The following CHRM3 variants were observed in gnomAD, a reference collection of about 807,000 sequenced individuals.
CHRM3 encodes the protein cholinergic receptor muscarinic 3.
CHRM3 carries 11 observed loss-of-function variants against 41.8 expected under a neutral mutation model. The observed-to-expected ratio is 0.26, with a 90% CI of 0.17 to 0.44. The LOEUF (loss-of-function observed/expected upper bound fraction) is 0.44, where lower values mean the gene tolerates loss of function less well. Among genes scored for constraint, CHRM3 ranks in the 20% least tolerant of loss-of-function variants. The pLI is 1.00. For synonymous variants in CHRM3, 297 were observed against 301.4 expected, an observed-to-expected ratio of 0.99 and a Z score of 0.15; for missense variants, 571 against 745.4, an observed-to-expected ratio of 0.77 and a Z score of 2.72.
In CHRM3 at chr1:239,667,940, A is replaced by C. The variant is rs150448714; in HGVS notation, c.-249-10246A>C. On this transcript the variant is annotated intron_variant, in intron 4 of 6. Coordinates refer to ENST00000676153, the MANE Select transcript of CHRM3 (RefSeq NM_001375978.1). ...TCCTACAACTTAAAAGCAATATGTA[A>C]TAAGTGTTTTGTTTTACATTGCTTT... 6.8e-3 allele frequency among the ~76,000 whole-genome samples: 1,028 copies of C among 152,232 alleles called. 6 individuals are homozygous for C. The highest frequency in any genetic ancestry group is 0.024 in the African/African-American group (978 of 41,544).
chr1:239,637,863 T>C (rs1186360061), intron 4 of CHRM3, among the ~76,000 whole-genome samples: 2 of 150,404 alleles, frequency 1.3e-5, no homozygotes, highest in Non-Finnish European at 3.0e-5. Flanking sequence ...GCTGCACCCA[T>C]TAACTCGTCA....
rs149696979 is a variant in CHRM3 at position 239,495,251 on chromosome 1, T to C, written c.-422+2444T>C. Reference sequence around the variant, plus strand: ...CCCACAAAAAGGAGGGTCACACCAATATCCTTAGAATTGAGGTCATTGAAA... The same window carrying C: ...CCCACAAAAAGGAGGGTCACACCAACATCCTTAGAATTGAGGTCATTGAAA... On this transcript the variant is annotated intron_variant, in intron 2 of 6. Transcript: ENST00000676153. 8.4e-3 allele frequency among the ~76,000 whole-genome samples: 1,273 copies of C among 152,258 alleles called. 22 individuals are homozygous for C. Among genetic ancestry groups the C allele is most frequent in the African/African-American group, 0.029 (1,219 of 41,554 alleles).
intron 5 of CHRM3, among the ~76,000 whole-genome samples, chr1:239,724,523 A>G (rs541334723): frequency 3.9e-4 from 59 of 152,058 alleles, no homozygotes; most frequent in African/African-American, 1.3e-3. Context: ...TAAAATGCAT[A>G]TATCAGTAGG....
chr1:239,467,109 T>A (rs1003700873), intron 1 of CHRM3, among the ~76,000 whole-genome samples: 3 of 152,216 alleles, frequency 2.0e-5, no homozygotes, highest in Non-Finnish European at 2.9e-5. Context: ...GTATTTTTTC[T>A]TCAATATCGT....
chr1:239,750,311 A>C (rs1006008487), intron 5 of CHRM3, among the ~76,000 whole-genome samples: 1 of 152,192 alleles, frequency 6.6e-6, no homozygotes, highest in Non-Finnish European at 1.5e-5. Flanking sequence ...AAATAATAAA[A>C]TGGAAAAAAA....
At chr1:239,618,133 T>TA (rs1245788801) in intron 3 of CHRM3, among the ~76,000 whole-genome samples, 2 of 151,870 alleles carry the variant, frequency 1.3e-5, no homozygotes, top group African/African-American at 2.4e-5. Context: ...TGTGACTTAT[T>TA]ACGTATTTTC....
At chr1:239,639,589 C>T (rs1270520443) in intron 4 of CHRM3, among the ~76,000 whole-genome samples, 1 of 151,478 alleles carries the variant, frequency 6.6e-6, no homozygotes, top group Non-Finnish European at 1.5e-5. Flanking sequence ...TATAAGAATG[C>T]TTGTGATTTT....
chr1:239,445,091 T>C (rs1280833997), intron 1 of CHRM3, among the ~76,000 whole-genome samples: 2 of 152,174 alleles, frequency 1.3e-5, no homozygotes, highest in African/African-American at 2.4e-5. Flanking sequence ...AATTGTAATG[T>C]TGAAGAATAT....
chr1:239,476,743 A>C (rs1355563522), intron 1 of CHRM3, among the ~76,000 whole-genome samples: 1 of 152,222 alleles, frequency 6.6e-6, no homozygotes, highest in East Asian at 1.9e-4. Context: ...TCTAAAAGTT[A>C]CTTTTTAAAA....
At chr1:239,687,288 C>A (rs6688537) in intron 5 of CHRM3, among the ~76,000 whole-genome samples, 82,983 of 151,866 alleles carry the variant, frequency 0.55, 23,364 homozygotes, top group African/African-American at 0.66. Context: ...ATGGCAGCCC[C>A]TGCCACTTTT....
intron 4 of CHRM3, among the ~76,000 whole-genome samples, chr1:239,674,188 A>T (rs990264458): frequency 1.3e-4 from 20 of 152,250 alleles, no homozygotes; most frequent in African/African-American, 4.8e-4. Context: ...ATTTCCGTGG[A>T]ATAATTTGTG....
intron 5 of CHRM3, among the ~76,000 whole-genome samples, chr1:239,759,319 A>C (rs1180874876): frequency 7.3e-5 from 11 of 151,410 alleles, no homozygotes; most frequent in Non-Finnish European, 1.6e-4. Flanking sequence ...TATTTTGAAA[A>C]AAAAAAAAGC....
chr1:239,540,227 T>TAAGTC (rs1572649069), intron 2 of CHRM3, among the ~76,000 whole-genome samples: 1 of 152,226 alleles, frequency 6.6e-6, no homozygotes, highest in East Asian at 1.9e-4. Context: ...TTGACTACTT[T>TAAGTC]ATCTTAACAA....
At chr1:239,798,717 G>A (rs1456620955) in intron 5 of CHRM3, among the ~76,000 whole-genome samples, 2 of 152,164 alleles carry the variant, frequency 1.3e-5, no homozygotes, top group Non-Finnish European at 2.9e-5. Context: ...GACACAGGGA[G>A]AAAGAAAAGT....
chr1:239,468,987 A>G (rs964779106), intron 1 of CHRM3, among the ~76,000 whole-genome samples: 1 of 152,244 alleles, frequency 6.6e-6, no homozygotes, highest in Non-Finnish European at 1.5e-5. Flanking sequence ...GCTGAATTTT[A>G]TAGACACCAA....
intron 5 of CHRM3, among the ~76,000 whole-genome samples, chr1:239,802,863 G>A (rs1670326411): frequency 6.6e-6 from 1 of 152,184 alleles, no homozygotes; most frequent in Non-Finnish European, 1.5e-5. Context: ...CTCCCAAAGT[G>A]CTGGGATTAT....
At chr1:239,778,379 T>C (rs1668262888) in intron 5 of CHRM3, among the ~76,000 whole-genome samples, 1 of 152,174 alleles carries the variant, frequency 6.6e-6, no homozygotes, top group Non-Finnish European at 1.5e-5. Flanking sequence ...ACGTCTTAAA[T>C]TTACTTCTGA....
At chr1:239,739,389 A>G (rs182684897) in intron 5 of CHRM3, among the ~76,000 whole-genome samples, 221 of 152,290 alleles carry the variant, frequency 1.5e-3, no homozygotes, top group South Asian at 9.5e-3. Context: ...AACAGTACCA[A>G]TCAAAGCCAA....
At chr1:239,709,866 T>A (rs982348663) in intron 5 of CHRM3, among the ~76,000 whole-genome samples, 59 of 152,204 alleles carry the variant, frequency 3.9e-4, no homozygotes, top group African/African-American at 1.4e-3. Context: ...TCAAGTGTTT[T>A]AAAAAAATTA....
Sources: allele counts gnomAD v4.1 joint callset (sites outside exome capture counted in the v4.1 genomes callset), GRCh38; gene constraint gnomAD v4.1.1; transcripts MANE v1.5; gene names NCBI Gene and HGNC (gene_info 2026-07-23, HGNC 2026-07-21).